The following SLC30A9 variants were observed in gnomAD, a reference collection of about 807,000 sequenced individuals.
SLC30A9 encodes the protein proton-coupled zinc antiporter SLC30A9, mitochondrial.
SLC30A9 carries 58 observed loss-of-function variants against 87.5 expected under a neutral mutation model. The observed-to-expected ratio is 0.66, with a 90% CI of 0.54 to 0.82. SLC30A9 has a LOEUF of 0.82. Among genes scored for constraint, SLC30A9 ranks in the 40% least tolerant of loss-of-function variants. The pLI is 0.00. For synonymous variants in SLC30A9, 234 were observed against 233.0 expected, an observed-to-expected ratio of 1.00 and a Z score of -0.04; for missense variants, 557 against 679.1, an observed-to-expected ratio of 0.82 and a Z score of 2.00.
chr4:42,015,963 G>C lies in SLC30A9; in HGVS notation c.275-2148G>C, dbSNP rs191081152. Among the ~76,000 whole-genome samples, 112 of 152,088 alleles carry C rather than the reference G, an allele frequency of 7.4e-4. 2 individuals are homozygous for C. The Middle Eastern group carries it at 0.014, about 18-fold the overall frequency. Reference sequence around the variant, plus strand: ...AGAGTGTAGAGTAATCAAAATAACTGTGCCTCCATGTTTAAAATACTAGCT... The same window carrying C: ...AGAGTGTAGAGTAATCAAAATAACTCTGCCTCCATGTTTAAAATACTAGCT... On this transcript the variant is annotated intron_variant, in intron 2 of 17. Transcript: ENST00000264451.
chr4:41,990,693 C>T lies in SLC30A9; in HGVS notation c.42C>T (p.Ser14=), dbSNP rs1483235738. 3.1e-6 allele frequency: 5 copies of T among 1,612,144 alleles called. No homozygotes were observed. The highest frequency in any genetic ancestry group is 2.5e-6 in the Non-Finnish European group (3 of 1,179,240). ...CCGCCGCCGCGGCCCACAGATGTAG[C>T]TGGTCCTCCCTGTGCCGGCTCCGTC... ...GLAAAAAHRC[S]WSSLCRLRLR... Residue 14 remains serine, a synonymous_variant, in exon 1 of 18, where the codon AGC becomes AGT. Transcript: ENST00000264451.
intron 6 of SLC30A9, among the ~76,000 whole-genome samples, chr4:42,025,253 C>T (rs2153135922): frequency 6.6e-6 from 1 of 152,276 alleles, no homozygotes; most frequent in African/African-American, 2.4e-5. Context: ...TTAGTCAGTT[C>T]ATGTGATGGT....
intron 11 of SLC30A9, 52 bp from the exon 12 acceptor site, chr4:42,065,258 A>G (rs1001026208): frequency 4.4e-6 from 4 of 917,594 alleles, no homozygotes; most frequent in South Asian, 1.3e-5. Flanking sequence ...TATATGAACA[A>G]TTGTGATTGG....
chr4:42,047,897 A>G (rs1008514519), intron 8 of SLC30A9, among the ~76,000 whole-genome samples: 2 of 152,230 alleles, frequency 1.3e-5, no homozygotes, highest in African/African-American at 4.8e-5. Context: ...ATATGCAGCC[A>G]TAAAAAAGGA....
intron 2 of SLC30A9, among the ~76,000 whole-genome samples, chr4:42,012,996 T>C (rs1715518354): frequency 6.6e-6 from 1 of 152,186 alleles, no homozygotes; most frequent in African/African-American, 2.4e-5. Flanking sequence ...GGCCTGATAC[T>C]ATAACCAGGC....
rs754406282 is a variant in SLC30A9, at chr4:42,062,999, A to C, written c.910A>C (p.Asn304His). The C allele has an allele frequency of 1.2e-6, 2 of 1,612,536 alleles. No individual in the cohort carries two copies. The highest frequency in any genetic ancestry group is 3.3e-5 in the Admixed American group (2 of 59,848). The change falls in exon 11 of 18, where the codon AAT becomes CAT. Residue 304 changes from asparagine (N) to histidine (H), a missense_variant. Transcript: ENST00000264451. The part of the protein sequence containing the change: ...PDPSHPYGFS[N>H]MRYISSLISG... Reference sequence around the variant, plus strand: ...TCTATTTTTCAGGTACGGATTTTCAAATATGCGCTATATTTCTTCGCTAAT... The same window carrying C: ...TCTATTTTTCAGGTACGGATTTTCACATATGCGCTATATTTCTTCGCTAAT...
Position 42,065,364 on chromosome 4 carries a change from A to G in SLC30A9, c.1072+15A>G. 7.9e-7 allele frequency: 1 copy of G among 1,258,232 alleles called. No homozygotes were observed. The highest frequency in any genetic ancestry group is 1.2e-6 in the Non-Finnish European group (1 of 860,578). 77.9% of individuals were successfully genotyped at this position (1,258,232 alleles called of 1,614,324 possible). Reference sequence around the variant, plus strand: ...ATCTGAAGGAGGTATGTACTGTCACAAAGTATGTCTCTATTCTTAATTTAG... The same window carrying G: ...ATCTGAAGGAGGTATGTACTGTCACGAAGTATGTCTCTATTCTTAATTTAG... On this transcript the variant is annotated intron_variant, in intron 12 of 17. Transcript: ENST00000264451.
At chr4:42,000,688 C>A (rs1017230290) in intron 1 of SLC30A9, among the ~76,000 whole-genome samples, 1 of 151,968 alleles carries the variant, frequency 6.6e-6, no homozygotes, top group Non-Finnish European at 1.5e-5. Context: ...TAAGAAATGG[C>A]TTTTCTTTCA....
intron 9 of SLC30A9, among the ~76,000 whole-genome samples, chr4:42,051,748 C>T (rs1224399833): frequency 2.0e-5 from 3 of 151,934 alleles, no homozygotes; most frequent in African/African-American, 7.3e-5. Context: ...GCCTTGGTAA[C>T]CTATGGAACA....
At chr4:42,049,823 T>G (rs1717317705) in intron 9 of SLC30A9, among the ~76,000 whole-genome samples, 1 of 152,178 alleles carries the variant, frequency 6.6e-6, no homozygotes, top group South Asian at 2.1e-4. Context: ...TAAAATGCTT[T>G]CACATTAGAT....
intron 15 of SLC30A9, among the ~76,000 whole-genome samples, chr4:42,072,295 T>G (rs1204559937): frequency 6.6e-6 from 1 of 152,074 alleles, no homozygotes; most frequent in Non-Finnish European, 1.5e-5. Flanking sequence ...TTTATTATTT[T>G]TTTCCTTCTG....
In SLC30A9 at chr4:42,048,983, G is replaced by A. The variant is rs7654290; in HGVS notation, c.738-394G>A. ...TTGTTATTGTTGTTGTTGTTTTAGC[G>A]ATGGGGTCTCACTCTCTTGCCTAGG... On this transcript the variant is annotated intron_variant, in intron 8 of 17. Coordinates refer to ENST00000264451, the MANE Select transcript of SLC30A9 (RefSeq NM_006345.4). Among the ~76,000 whole-genome samples, 831 of 152,102 alleles carry A rather than the reference G, an allele frequency of 5.5e-3. 7 individuals are homozygous for A. The highest frequency in any genetic ancestry group is 0.018 in the African/African-American group (762 of 41,488).
chr4:41,994,288 T>G (rs1332074815), intron 1 of SLC30A9, among the ~76,000 whole-genome samples: 1 of 152,208 alleles, frequency 6.6e-6, no homozygotes, highest in Non-Finnish European at 1.5e-5. Context: ...TCTAAAAATT[T>G]TTTTATTTGT....
intron 17 of SLC30A9, among the ~76,000 whole-genome samples, chr4:42,081,669 G>T (rs1392297433): frequency 6.6e-6 from 1 of 152,014 alleles, no homozygotes; most frequent in Non-Finnish European, 1.5e-5. Flanking sequence ...GAAAATAATG[G>T]ACTAAATATT....
At chr4:42,032,322 C>G (rs913347190) in intron 6 of SLC30A9, among the ~76,000 whole-genome samples, 2 of 152,084 alleles carry the variant, frequency 1.3e-5, no homozygotes, top group Non-Finnish European at 2.9e-5. Flanking sequence ...AGTTTGCCAA[C>G]CCTATTTCAA....
chr4:42,021,403 T>A (rs1715943299), intron 4 of SLC30A9, among the ~76,000 whole-genome samples: 1 of 152,232 alleles, frequency 6.6e-6, no homozygotes, highest in Non-Finnish European at 1.5e-5. Flanking sequence ...TGATGTTTTT[T>A]AAATCTAGGT....
intron 3 of SLC30A9, among the ~76,000 whole-genome samples, chr4:42,019,501 AT>A (rs1715852838): frequency 2.6e-5 from 4 of 152,018 alleles, no homozygotes; most frequent in Non-Finnish European, 4.4e-5. Context: ...ATCTATAATA[AT>A]TTTTTTTGTA....
intron 1 of SLC30A9, among the ~76,000 whole-genome samples, chr4:41,993,771 T>C (rs1473177201): frequency 6.6e-6 from 1 of 152,222 alleles, no homozygotes; most frequent in Non-Finnish European, 1.5e-5. Context: ...AGTAATAAAT[T>C]GGTAGTTCAT....
rs2153142026 is a variant in SLC30A9 at position 42,088,119 on chromosome 4, TTC to T, written c.*1995_*1996del. 6.6e-6 allele frequency: 1 copy of T among 152,338 alleles called. No homozygotes were observed. The highest frequency in any genetic ancestry group is 2.1e-4 in the South Asian group (1 of 4,832). The allele number at this position is 152,338 out of a possible 1,614,324, so 9.4% of individuals were successfully genotyped here. A position where few individuals can be genotyped will look rare whatever the true frequency, so the allele number is the denominator to read the frequency against. ...AGGTTTATGTTGCCATCTTTTCTAA[TTC>T]TGTTTTGCACTGATAAACTTACATA... On this transcript the variant is annotated 3_prime_UTR_variant, in exon 18 of 18. Transcript: ENST00000264451.
Sources: allele counts gnomAD v4.1 joint callset (sites outside exome capture counted in the v4.1 genomes callset), GRCh38; gene constraint gnomAD v4.1.1; transcripts MANE v1.5; gene names NCBI Gene and HGNC (gene_info 2026-07-23, HGNC 2026-07-21).